The following EPN2 variants were observed in gnomAD, a reference collection of about 807,000 sequenced individuals.
EPN2 encodes epsin-2.
In EPN2, 34 loss-of-function variants were observed where a neutral mutation model predicts 61.7. The observed-to-expected ratio is 0.55, with a 90% CI of 0.42 to 0.73. EPN2 has a LOEUF of 0.73. Among genes scored for constraint, EPN2 ranks in the 30% least tolerant of loss-of-function variants. The pLI, the probability that EPN2 is intolerant of heterozygous loss-of-function variation, is 0.00. For synonymous variants in EPN2, 349 were observed against 353.6 expected (o/e 0.99, Z 0.15); for missense variants, 714 against 839.2 (o/e 0.85, Z 1.84).
At chr17:19,332,497 C>T (rs906526655) in intron 10 of EPN2, among the ~76,000 whole-genome samples, 1 of 152,170 alleles carries the variant, frequency 6.6e-6, no homozygotes, top group Non-Finnish European at 1.5e-5. Flanking sequence ...TCCCTTGCTT[C>T]CACTCCTGGT....
chr17:19,249,257 C>T (rs1438925653), intron 1 of EPN2: 1 of 152,210 alleles, frequency 6.6e-6, no homozygotes, highest in Non-Finnish European at 1.5e-5. Context: ...GAAGAACAAC[C>T]GAAGTTATCT....
chr17:19,241,577 T>C (rs2044884648), intron 1 of EPN2, among the ~76,000 whole-genome samples: 1 of 138,288 alleles, frequency 7.2e-6, no homozygotes, highest in African/African-American at 2.7e-5. Context: ...AGAGCAAGAC[T>C]CTGTCTCAAA....
At chr17:19,291,122 T>C (rs145105300) in intron 4 of EPN2, among the ~76,000 whole-genome samples, 4 of 152,218 alleles carry the variant, frequency 2.6e-5, no homozygotes, top group East Asian at 3.9e-4. Context: ...CCAGAAGAAA[T>C]TGGGGCAAAA....
chr17:19,327,729 G>C (rs1383922429), intron 7 of EPN2, among the ~76,000 whole-genome samples: 1 of 152,102 alleles, frequency 6.6e-6, no homozygotes, highest in African/African-American at 2.4e-5. Context: ...TAATATATAT[G>C]TGTGTGTGTA....
In EPN2 at chr17:19,302,496, A is replaced by G. The variant is rs1359668470; in HGVS notation, c.767-7389A>G. On this transcript the variant is annotated intron_variant, in intron 4 of 10. Transcript: ENST00000314728. ...GAGCGCAAACCTTATTGTGAACTGC[A>G]CATGTGAGGGATCTAGGTTGTATGC... is the stretch of plus-strand genomic sequence containing the variant. Among the ~76,000 whole-genome samples, 3 of 152,294 alleles carry G rather than the reference A, an allele frequency of 2.0e-5. No individual in the cohort carries two copies. In the East Asian group the frequency reaches 5.8e-4, roughly 29 times the overall value.
chr17:19,249,852 T>C (rs1422225003), intron 1 of EPN2, among the ~76,000 whole-genome samples: 2 of 152,124 alleles, frequency 1.3e-5, no homozygotes, highest in African/African-American at 4.8e-5. Flanking sequence ...TGGTTCCTGC[T>C]GGAGGCTCTG....
intron 4 of EPN2, among the ~76,000 whole-genome samples, chr17:19,295,347 C>T (rs983882740): frequency 2.0e-5 from 1 of 51,186 alleles, no homozygotes; most frequent in Non-Finnish European, 5.9e-5. Context: ...AAAATACACA[C>T]ACACACACAC....
At chr17:19,251,042 G>A (rs1232546995) in intron 1 of EPN2, among the ~76,000 whole-genome samples, 1 of 152,046 alleles carries the variant, frequency 6.6e-6, no homozygotes, top group Non-Finnish European at 1.5e-5. Context: ...TCCTTTTCTG[G>A]CACCCAACAC....
intron 4 of EPN2, among the ~76,000 whole-genome samples, chr17:19,291,504 C>G (rs927154868): frequency 1.7e-5 from 2 of 119,868 alleles, no homozygotes; most frequent in Admixed American, 1.2e-4. Context: ...GTGGCGCTAT[C>G]TTGGCTCACT....
At chr17:19,321,622 A>G (rs1256685267) in intron 7 of EPN2, among the ~76,000 whole-genome samples, 3 of 152,168 alleles carry the variant, frequency 2.0e-5, no homozygotes, top group Non-Finnish European at 4.4e-5. Context: ...TGACAGAGGC[A>G]AGTGGGAAGG....
At chr17:19,308,009 T>C (rs534794666) in intron 4 of EPN2, 1 of 984,860 alleles carries the variant, frequency 1.0e-6, no homozygotes, top group Non-Finnish European at 1.2e-6. Context: ...GGTGAATGAA[T>C]CCTGCTAGTT....
chr17:19,333,478 G>A (rs1003254118), intron 10 of EPN2, among the ~76,000 whole-genome samples: 1 of 152,230 alleles, frequency 6.6e-6, no homozygotes, highest in South Asian at 2.1e-4. Context: ...CACTGGGAAA[G>A]ACAAAGCTGC....
At chr17:19,297,783 T>C (rs1015586539) in intron 4 of EPN2, among the ~76,000 whole-genome samples, 1 of 152,244 alleles carries the variant, frequency 6.6e-6, no homozygotes, top group Non-Finnish European at 1.5e-5. Context: ...CCATGAGAAA[T>C]AGGACAATTA....
Position 19,328,875 on chromosome 17 carries a change from G to C in EPN2, c.1312G>C (p.Val438Leu). ...GGGCGCAGTCTCCACCACCAAGCCC[G>C]TGTCTGTCTCTGGTGAGCCCCTCAC... ...AWGAVSTTKP[V>L]SVSGSFELFS... Residue 438 changes from valine (V) to leucine (L), a missense_variant, in exon 8 of 11, where the codon GTG becomes CTG. By Grantham distance (32) the Val-to-Leu change is conservative. This residue lies in a region of EPN2 where 410 missense variants were observed against 421.8 expected (regional missense o/e 0.97). Transcript: ENST00000314728. 6.2e-7 allele frequency: 1 copy of C among 1,611,202 alleles called. No homozygotes were observed. The highest frequency in any genetic ancestry group is 1.1e-5 in the South Asian group (1 of 90,506).
chr17:19,317,748 C>T (rs889791059), intron 7 of EPN2, among the ~76,000 whole-genome samples: 3 of 152,122 alleles, frequency 2.0e-5, no homozygotes, highest in Non-Finnish European at 4.4e-5. Context: ...TGGACCCTGC[C>T]GAGGACGTGG....
chr17:19,323,072 A>T (rs547265979), intron 7 of EPN2, among the ~76,000 whole-genome samples: 4 of 152,342 alleles, frequency 2.6e-5, no homozygotes, highest in African/African-American at 9.6e-5. Flanking sequence ...GAGCTCAGCC[A>T]GGCTGTCACA....
Position 19,264,009 on chromosome 17 carries a change from C to T in EPN2, c.-293-17946C>T, listed in dbSNP as rs543020743. ...CTCGGCACAAGTTTCTAAAGTAGAGCGATTTCTGAGTTTAGGAGCAGCTGG... is the reference window on the plus strand; with the variant it reads ...CTCGGCACAAGTTTCTAAAGTAGAGTGATTTCTGAGTTTAGGAGCAGCTGG... On this transcript the variant is annotated intron_variant, in intron 1 of 10. Transcript: ENST00000314728. 1.1e-4 allele frequency among the ~76,000 whole-genome samples: 16 copies of T among 152,220 alleles called. No homozygotes were observed. The South Asian group carries it at 2.7e-3, about 26-fold the overall frequency.
rs1008445313 is a variant in EPN2 at position 19,335,567 on chromosome 17, G to A, written c.*1313G>A. ...TTGTCCCGAGGGCGTGGGGTGGGGG[G>A]TGCTTCTGTGCCCACGGGTCCCTGG... is the stretch of plus-strand genomic sequence containing the variant. On this transcript the variant is annotated 3_prime_UTR_variant, in exon 11 of 11. Transcript: ENST00000314728. The A allele has an allele frequency of 2.5e-5, 31 of 1,256,498 alleles. No homozygotes were observed. Among genetic ancestry groups the A allele is most frequent in the Non-Finnish European group, 3.3e-5 (30 of 917,718 alleles). The allele number at this position is 1,256,498 out of a possible 1,614,324, so 77.8% of individuals were successfully genotyped here.
rs773365785 is a variant in EPN2 at position 19,249,791 on chromosome 17, G to A, written c.-294+12260G>A. Among the ~76,000 whole-genome samples the A allele has an allele frequency of 2.0e-4, 30 of 152,166 alleles. 1 individual carries two copies. Among genetic ancestry groups the A allele is most frequent in the Non-Finnish European group, 2.9e-4 (20 of 68,048 alleles). ...CTTAAAACAATGCAGTTGTATAGGC[G>A]GGAAGTCCGACACAGGTCTTAATGG... On this transcript the variant is annotated intron_variant, in intron 1 of 10. Transcript: ENST00000314728.
Sources: gnomAD v4.1 joint callset for allele counts (sites outside exome capture counted in the v4.1 genomes callset) on GRCh38, gnomAD v4.1.1 for gene constraint, gnomAD v4.1.1 regional missense constraint, MANE v1.5 for transcripts, NCBI Gene and HGNC (gene_info 2026-07-23, HGNC 2026-07-21) for gene names.